KCNG2: variants seen among roughly 807,000 people sequenced by gnomAD.
KCNG2 encodes voltage-gated potassium channel regulatory subunit KCNG2.
A neutral mutation model predicts 12.3 loss-of-function variants in KCNG2; 7 were observed. The observed-to-expected ratio is 0.57, with a 90% CI of 0.32 to 1.07. The LOEUF (loss-of-function observed/expected upper bound fraction) is 1.07, where lower values mean the gene tolerates loss of function less well. Ranked by LOEUF, KCNG2 falls within the 50% of genes least tolerant of loss-of-function variation. The pLI is 0.04. For synonymous variants in KCNG2, 414 were observed against 351.4 expected (o/e 1.18, Z -1.99); for missense variants, 703 against 726.0 (o/e 0.97, Z 0.36).
At chr18:79,897,140 T>C (rs990854961) in intron 3 of KCNG2, among the ~76,000 whole-genome samples, 9 of 144,992 alleles carry the variant, frequency 6.2e-5, no homozygotes, top group African/African-American at 2.0e-4. Context: ...GTTTTTTTTT[T>C]CAGCATTATC....
intron 1 of KCNG2, among the ~76,000 whole-genome samples, chr18:79,837,615 A>C (rs958723362): frequency 6.6e-6 from 1 of 152,258 alleles, no homozygotes; most frequent in African/African-American, 2.4e-5. Context: ...AAAGTATAGC[A>C]AGAATGACCC....
chr18:79,857,285 G>C (rs1487261207), intron 2 of KCNG2, among the ~76,000 whole-genome samples: 1 of 150,472 alleles, frequency 6.6e-6, no homozygotes, highest in African/African-American at 2.5e-5. Flanking sequence ...TGGCGCTGAA[G>C]GTCACAGCAC....
chr18:79,863,529 C>T, intron 2 of KCNG2, 99 bp from the exon 3 acceptor site: 3 of 989,044 alleles, frequency 3.0e-6, no homozygotes, highest in Non-Finnish European at 3.8e-6. Context: ...GAGCTCACCT[C>T]CGAGGGTTCG....
intron 2 of KCNG2, among the ~76,000 whole-genome samples, chr18:79,860,007 G>A (rs1979155584): frequency 1.3e-5 from 2 of 152,210 alleles, no homozygotes; most frequent in Admixed American, 6.5e-5. Context: ...AGGAGGCACG[G>A]TGCCAATGTC....
intron 1 of KCNG2, among the ~76,000 whole-genome samples, chr18:79,815,763 T>A (rs1568243606): frequency 6.6e-6 from 1 of 152,218 alleles, no homozygotes; most frequent in African/African-American, 2.4e-5. Context: ...AGCGTGAGTG[T>A]CCTGTCCCCT....
chr18:79,807,755 G>C (rs1007912507), intron 1 of KCNG2, among the ~76,000 whole-genome samples: 1 of 151,122 alleles, frequency 6.6e-6, no homozygotes, highest in Non-Finnish European at 1.5e-5. Flanking sequence ...TATATGCCCA[G>C]AGTCCTCGCC....
intron 1 of KCNG2, among the ~76,000 whole-genome samples, chr18:79,829,272 G>A (rs1978289644): frequency 6.6e-6 from 1 of 151,810 alleles, no homozygotes; most frequent in African/African-American, 2.4e-5. Context: ...GTGTGTGCAT[G>A]TGTCTGTGTG....
Position 79,822,954 on chromosome 18 carries a change from G to A in KCNG2, c.-115+24940G>A, listed in dbSNP as rs138306135. Among the ~76,000 whole-genome samples, 960 of 152,332 alleles carry A rather than the reference G, an allele frequency of 6.3e-3. 14 individuals carry two copies. Among genetic ancestry groups the A allele is most frequent in the African/African-American group, 0.022 (903 of 41,570 alleles). ...GGCTCACTTGTGGCATGTGAAGAGC[G>A]TGTGGAGCACCCCAAGGCTTTAGGA... On this transcript the variant is annotated intron_variant, in intron 1 of 3. Coordinates refer to ENST00000316249, the MANE Select transcript of KCNG2 (RefSeq NM_012283.2). This position sits in a 1 kb window ranked among gnomAD's most constrained non-coding sequence, Gnocchi z 4.4.
intron 1 of KCNG2, among the ~76,000 whole-genome samples, chr18:79,829,150 ATGTGTGCGTGTG>A (rs1402805799): frequency 2.4e-5 from 3 of 125,298 alleles, no homozygotes; most frequent in African/African-American, 9.6e-5. Context: ...GTGGGTGTCT[ATGTGTGCGTGTG>A]TGTAACATGT....
At chr18:79,890,433 CACAGCACCCG>C (rs1401653862) in intron 3 of KCNG2, among the ~76,000 whole-genome samples, 1 of 152,148 alleles carries the variant, frequency 6.6e-6, no homozygotes, top group Non-Finnish European at 1.5e-5. Flanking sequence ...AGGTACCAAG[CACAGCACCCG>C]ACAGCACGTT....
At chr18:79,866,314 C>T (rs1979541652) in intron 3 of KCNG2, among the ~76,000 whole-genome samples, 1 of 108,978 alleles carries the variant, frequency 9.2e-6, no homozygotes, top group Non-Finnish European at 1.8e-5. Flanking sequence ...AGTGTGGGTG[C>T]TGAGGTCTGG....
chr18:79,859,552 C>T (rs1410561862), intron 2 of KCNG2, among the ~76,000 whole-genome samples: 1 of 152,198 alleles, frequency 6.6e-6, no homozygotes, highest in Non-Finnish European at 1.5e-5. Flanking sequence ...ACCATGAAGA[C>T]ACCTCCCAGC....
intron 1 of KCNG2, among the ~76,000 whole-genome samples, chr18:79,848,145 C>T (rs1978686529): frequency 6.6e-6 from 1 of 152,282 alleles, no homozygotes; most frequent in Non-Finnish European, 1.5e-5. Context: ...CAGCAGCTGC[C>T]AGGGGCCAGT....
chr18:79,892,773 G>A (rs1251945004), intron 3 of KCNG2, among the ~76,000 whole-genome samples: 1 of 144,138 alleles, frequency 6.9e-6, no homozygotes, highest in Non-Finnish European at 1.5e-5. Flanking sequence ...CATTCAAAAT[G>A]ATTGATATAG....
chr18:79,845,323 G>A (rs1978587152), intron 1 of KCNG2, among the ~76,000 whole-genome samples: 1 of 152,190 alleles, frequency 6.6e-6, no homozygotes. Flanking sequence ...ACCCTTGTGT[G>A]AGGAGAGCTC....
intron 3 of KCNG2, among the ~76,000 whole-genome samples, chr18:79,874,104 TGGCCCTCACATTC>T (rs1316399561): frequency 6.6e-6 from 1 of 152,222 alleles, no homozygotes; most frequent in Non-Finnish European, 1.5e-5. Context: ...CGGGAATCCT[TGGCCCTCACATTC>T]GGCCCTCACA....
At chr18:79,861,451 G>A (rs1305304060) in intron 2 of KCNG2, among the ~76,000 whole-genome samples, 1 of 151,852 alleles carries the variant, frequency 6.6e-6, no homozygotes, top group Non-Finnish European at 1.5e-5. Flanking sequence ...GCTAATTTTT[G>A]TATTTTTAGT....
chr18:79,858,062 G>A (rs779847581), intron 2 of KCNG2, among the ~76,000 whole-genome samples: 26 of 152,224 alleles, frequency 1.7e-4, no homozygotes, highest in African/African-American at 3.6e-4. Flanking sequence ...GCGCAGTGGC[G>A]TGATCTTGTC....
intron 3 of KCNG2, among the ~76,000 whole-genome samples, 168 bp from the exon 4 acceptor site, chr18:79,898,872 T>G (rs1981075874): frequency 6.6e-6 from 1 of 152,164 alleles, no homozygotes; most frequent in Non-Finnish European, 1.5e-5. Context: ...GTTTTCTGGG[T>G]TTTTCCAACA....
Sources: allele counts gnomAD v4.1 joint callset (sites outside exome capture counted in the v4.1 genomes callset), GRCh38; gene constraint gnomAD v4.1.1; non-coding constraint Gnocchi (gnomAD v3.1); transcripts MANE v1.5; gene names NCBI Gene and HGNC (gene_info 2026-07-23, HGNC 2026-07-21).